The following RBFOX1 variants were observed in gnomAD, a reference collection of about 807,000 sequenced individuals.
RBFOX1 encodes RNA binding protein fox-1 homolog 1.
A neutral mutation model predicts 57.7 loss-of-function variants in RBFOX1; 8 were observed. The observed-to-expected ratio is 0.14, with a 90% CI of 0.08 to 0.25. The LOEUF (loss-of-function observed/expected upper bound fraction) is 0.25. Among genes scored for constraint, RBFOX1 ranks in the 10% least tolerant of loss-of-function variants. The probability of loss-of-function intolerance (pLI) is 1.00; values close to 1 mark genes in which losing one functional copy is unlikely to be tolerated. For synonymous variants in RBFOX1, 326 were observed against 222.4 expected (o/e 1.47, Z -4.15); for missense variants, 611 against 548.5 (o/e 1.11, Z -1.14).
intron 3 of RBFOX1, among the ~76,000 whole-genome samples, chr16:6,718,584 C>T (rs1041003602): frequency 4.6e-5 from 7 of 152,132 alleles, no homozygotes; most frequent in Non-Finnish European, 1.0e-4. Flanking sequence ...CCGCCCAAAT[C>T]TCATGTTAAG....
At chr16:5,847,837 C>A (rs184462688) in intron 3 of RBFOX1, among the ~76,000 whole-genome samples, 2 of 152,260 alleles carry the variant, frequency 1.3e-5, no homozygotes, top group African/African-American at 2.4e-5. Context: ...TCGCCCCATG[C>A]TCTGTTCAGA....
intron 3 of RBFOX1, among the ~76,000 whole-genome samples, chr16:6,808,417 C>G (rs889323924): frequency 3.3e-5 from 5 of 152,036 alleles, no homozygotes; most frequent in Non-Finnish European, 7.4e-5. Flanking sequence ...AAGCAGAGTT[C>G]CTTTTCTTGC....
intron 1 of RBFOX1, among the ~76,000 whole-genome samples, chr16:5,413,430 C>T (rs2067078237): frequency 1.3e-5 from 2 of 152,186 alleles, no homozygotes; most frequent in Admixed American, 6.5e-5. Flanking sequence ...ATCCATGTAG[C>T]TATTTAAATT....
intron 1 of RBFOX1, among the ~76,000 whole-genome samples, chr16:6,124,216 G>T (rs537724975): frequency 2.7e-4 from 41 of 152,258 alleles, no homozygotes; most frequent in African/African-American, 8.9e-4. Flanking sequence ...TGGATGGTTT[G>T]TCCATGCTGG....
At chr16:6,877,586 G>A (rs2062082281) in intron 3 of RBFOX1, among the ~76,000 whole-genome samples, 2 of 152,112 alleles carry the variant, frequency 1.3e-5, no homozygotes, top group African/African-American at 2.4e-5. Context: ...TTGTGTGTGT[G>A]CAACAATAAC....
chr16:6,223,927 C>T (rs897601051), intron 1 of RBFOX1, among the ~76,000 whole-genome samples: 4 of 152,174 alleles, frequency 2.6e-5, no homozygotes, highest in Non-Finnish European at 5.9e-5. Context: ...TATGGCTAGC[C>T]AGTTTTCCCA....
chr16:6,188,905 A>G (rs1345337372), intron 1 of RBFOX1, among the ~76,000 whole-genome samples: 5 of 151,464 alleles, frequency 3.3e-5, no homozygotes, highest in Admixed American at 2.0e-4. Flanking sequence ...TTCTTTTATT[A>G]AGAGATCTGT....
intron 3 of RBFOX1, among the ~76,000 whole-genome samples, chr16:5,625,534 T>TATTTATTTA (rs764734485): frequency 6.1e-5 from 5 of 81,408 alleles, no homozygotes. Flanking sequence ...TAATATTTTT[T>TATTTATTTA]GTTATTTATT....
chr16:6,790,292 C>T (rs1025290400), intron 3 of RBFOX1, among the ~76,000 whole-genome samples: 1 of 151,822 alleles, frequency 6.6e-6, no homozygotes, highest in Non-Finnish European at 1.5e-5. Flanking sequence ...TCCAGCCATT[C>T]TCCTGCCTCA....
intron 2 of RBFOX1, among the ~76,000 whole-genome samples, chr16:6,450,826 T>TATATATATAC (rs2094594258): frequency 3.0e-5 from 1 of 32,914 alleles, no homozygotes; most frequent in Admixed American, 3.8e-4. Context: ...TACATATATA[T>TATATATATAC]ATATATATAT....
intron 1 of RBFOX1, among the ~76,000 whole-genome samples, chr16:6,108,081 C>A (rs1012811928): frequency 2.6e-5 from 4 of 151,962 alleles, no homozygotes; most frequent in African/African-American, 9.7e-5. Context: ...TCATAAGAAT[C>A]AAATATCAAA....
chr16:7,023,843 T>C lies in RBFOX1; in HGVS notation c.-15-28214T>C, dbSNP rs143008067. On this transcript the variant is annotated intron_variant, in intron 3 of 15. Transcript: ENST00000550418. ...CATTTTTAATCACCCAGATGTTAAA[T>C]TTATTCATCATCCCTATATATATTT... Among the ~76,000 whole-genome samples the C allele has an allele frequency of 2.4e-4, 36 of 152,252 alleles. No individual in the cohort carries two copies. The East Asian group carries it at 7.0e-3, about 30-fold the overall frequency.
intron 1 of RBFOX1, among the ~76,000 whole-genome samples, chr16:5,260,109 G>A (rs1382074845): frequency 6.6e-6 from 1 of 152,202 alleles, no homozygotes; most frequent in Non-Finnish European, 1.5e-5. Context: ...GCTGAGGCAG[G>A]AGAATCGCTT....
At chr16:7,333,310 T>C (rs2096726319) in intron 4 of RBFOX1, among the ~76,000 whole-genome samples, 1 of 152,222 alleles carries the variant, frequency 6.6e-6, no homozygotes, top group Non-Finnish European at 1.5e-5. Flanking sequence ...TTTGCTTGTA[T>C]TGATCTGACT....
chr16:7,411,902 C>CA (rs60700135), intron 4 of RBFOX1, among the ~76,000 whole-genome samples: 45 of 95,372 alleles, frequency 4.7e-4, no homozygotes, highest in South Asian at 8.3e-4. Context: ...AAACTCCTTT[C>CA]AAAAAAAAAA....
At chr16:6,783,462 T>A (rs1452750429) in intron 3 of RBFOX1, among the ~76,000 whole-genome samples, 1 of 151,376 alleles carries the variant, frequency 6.6e-6, no homozygotes, top group Non-Finnish European at 1.5e-5. Context: ...AAAAATCTTA[T>A]AACCAATTAT....
intron 2 of RBFOX1, among the ~76,000 whole-genome samples, chr16:6,378,238 C>T (rs17140050): frequency 0.033 from 5,012 of 152,306 alleles, 275 homozygotes; most frequent in African/African-American, 0.11. Flanking sequence ...ATCTGCCGCA[C>T]ACTCGGGCAC....
intron 14 of RBFOX1, among the ~76,000 whole-genome samples, chr16:7,677,479 T>C (rs542131876): frequency 6.6e-6 from 1 of 152,186 alleles, no homozygotes; most frequent in Non-Finnish European, 1.5e-5. Context: ...ACAGTGTGTT[T>C]GAGGAATGCA....
At chr16:7,214,851 G>C (rs113246007) in intron 4 of RBFOX1, among the ~76,000 whole-genome samples, 1 of 152,126 alleles carries the variant, frequency 6.6e-6, no homozygotes, top group Non-Finnish European at 1.5e-5. Flanking sequence ...AAATGGGATA[G>C]TCTGGGTGTC....
Sources: allele counts gnomAD v4.1 joint callset (sites outside exome capture counted in the v4.1 genomes callset), GRCh38; gene constraint gnomAD v4.1.1; transcripts MANE v1.5; gene names NCBI Gene and HGNC (gene_info 2026-07-23, HGNC 2026-07-21).